RSRC1: variants seen among roughly 807,000 people sequenced by gnomAD.
RSRC1 encodes the protein arginine and serine rich coiled-coil 1, also known as serine/Arginine-related protein 53.
In RSRC1, 39 loss-of-function variants were observed where a neutral mutation model predicts 49.1. That is an observed-to-expected ratio of 0.79 (90% confidence interval 0.61 to 1.04). RSRC1 has a LOEUF of 1.04. Ranked by LOEUF, RSRC1 falls within the 50% of genes least tolerant of loss-of-function variation. The pLI is 0.00. For missense variants in RSRC1, 388 were observed against 402.4 expected (o/e 0.96, Z 0.31); for synonymous variants, 143 against 130.8 (o/e 1.09, Z -0.63).
At chr3:158,358,475 TC>T (rs1285701465) in intron 6 of RSRC1, among the ~76,000 whole-genome samples, 2 of 152,198 alleles carry the variant, frequency 1.3e-5, no homozygotes, top group African/African-American at 4.8e-5. Flanking sequence ...AGTGGAAAGA[TC>T]CTAAGCCTGC....
At chr3:158,351,835 AAAAT>A (rs1245796027) in intron 5 of RSRC1, among the ~76,000 whole-genome samples, 1 of 149,462 alleles carries the variant, frequency 6.7e-6, no homozygotes, top group Non-Finnish European at 1.5e-5. Flanking sequence ...TTATTAGTGA[AAAAT>A]AAATATATCT....
chr3:158,145,592 T>A (rs1717040682), intron 3 of RSRC1, among the ~76,000 whole-genome samples: 4 of 152,212 alleles, frequency 2.6e-5, no homozygotes, highest in Admixed American at 2.6e-4. Flanking sequence ...TTCTTTTGGC[T>A]TAGGATTGAC....
At chr3:158,382,355 T>C (rs1732748853) in intron 6 of RSRC1, among the ~76,000 whole-genome samples, 1 of 152,110 alleles carries the variant, frequency 6.6e-6, no homozygotes. Flanking sequence ...TGATAAAAAG[T>C]ATAGTACTGT....
intron 3 of RSRC1, among the ~76,000 whole-genome samples, chr3:158,154,019 AC>A (rs1717703482): frequency 6.6e-6 from 1 of 152,170 alleles, no homozygotes; most frequent in South Asian, 2.1e-4. Context: ...TGAATCCTTG[AC>A]TGGACAGCTA....
chr3:158,437,232 G>T (rs1200700786), intron 6 of RSRC1, among the ~76,000 whole-genome samples: 1 of 151,680 alleles, frequency 6.6e-6, no homozygotes, highest in Non-Finnish European at 1.5e-5. Context: ...TTTGCTATTT[G>T]CTATTTTGAT....
At chr3:158,520,284 G>A (rs1461962895) in intron 7 of RSRC1, among the ~76,000 whole-genome samples, 3 of 152,104 alleles carry the variant, frequency 2.0e-5, no homozygotes, top group Non-Finnish European at 2.9e-5. Flanking sequence ...GCTTCACAGT[G>A]TCTCTGACTA....
intron 4 of RSRC1, among the ~76,000 whole-genome samples, chr3:158,263,508 G>C (rs1030686215): frequency 2.0e-5 from 3 of 152,048 alleles, no homozygotes; most frequent in Non-Finnish European, 4.4e-5. Flanking sequence ...TCCTTTGTCT[G>C]TGTTTGGTGA....
chr3:158,189,112 C>T (rs1720083424), intron 3 of RSRC1, among the ~76,000 whole-genome samples: 1 of 151,808 alleles, frequency 6.6e-6, no homozygotes, highest in Non-Finnish European at 1.5e-5. Flanking sequence ...AATTTCCAAA[C>T]ATTTAGGGAT....
At chr3:158,178,333 T>C (rs1445749515) in intron 3 of RSRC1, among the ~76,000 whole-genome samples, 1 of 152,032 alleles carries the variant, frequency 6.6e-6, no homozygotes, top group Non-Finnish European at 1.5e-5. Context: ...ACAGATGGGG[T>C]TTCACCATGT....
Position 158,345,805 on chromosome 3 carries a change from TACAC to T in RSRC1, c.532-9048_532-9045del, listed in dbSNP as rs1485332949. Among the ~76,000 whole-genome samples the T allele has an allele frequency of 2.5e-4, 37 of 148,590 alleles. No individual in the cohort carries two copies. The East Asian group carries it at 2.9e-3, about 12-fold the overall frequency. On this transcript the variant is annotated intron_variant, in intron 5 of 9. Transcript: ENST00000611884. ...TATATATATACACATATATATGTAT[TACAC>T]ACATATATATGCATTATATATAATA...
intron 5 of RSRC1, among the ~76,000 whole-genome samples, chr3:158,317,900 T>C (rs1253336519): frequency 6.6e-6 from 1 of 152,094 alleles, no homozygotes; most frequent in African/African-American, 2.4e-5. Context: ...ACACACGAAT[T>C]GGATCCCCCT....
intron 6 of RSRC1, among the ~76,000 whole-genome samples, chr3:158,425,211 G>A (rs1735341629): frequency 6.6e-6 from 1 of 152,004 alleles, no homozygotes; most frequent in Non-Finnish European, 1.5e-5. Context: ...TGTCTTGTGG[G>A]CATTTAGTGC....
intron 4 of RSRC1, among the ~76,000 whole-genome samples, chr3:158,239,022 A>G (rs185971687): frequency 3.3e-3 from 505 of 151,558 alleles, no homozygotes; most frequent in African/African-American, 0.012. Context: ...AATTTACAAG[A>G]AAAAAAAACC....
intron 7 of RSRC1, among the ~76,000 whole-genome samples, chr3:158,488,704 G>A (rs1714527): frequency 0.99 from 150,316 of 152,348 alleles, 74,163 homozygotes; most frequent in East Asian, 1. Context: ...GGCCATTCCC[G>A]TATTAAACTC....
intron 7 of RSRC1, among the ~76,000 whole-genome samples, chr3:158,508,485 G>A (rs1265814287): frequency 6.6e-6 from 1 of 151,314 alleles, no homozygotes; most frequent in Non-Finnish European, 1.5e-5. Context: ...CCTAATGAGT[G>A]TCACCTTGTT....
chr3:158,258,654 C>T (rs1337414353), intron 4 of RSRC1, among the ~76,000 whole-genome samples: 2 of 152,116 alleles, frequency 1.3e-5, no homozygotes, highest in East Asian at 1.9e-4. Flanking sequence ...TCTTTCTCTA[C>T]CTCCTCTTTA....
intron 6 of RSRC1, among the ~76,000 whole-genome samples, chr3:158,382,064 G>A (rs530176920): frequency 4.6e-5 from 7 of 152,018 alleles, no homozygotes; most frequent in Admixed American, 1.3e-4. Flanking sequence ...TTGAACAGCC[G>A]TTAAAAACTT....
intron 7 of RSRC1, among the ~76,000 whole-genome samples, chr3:158,533,445 G>C (rs963872128): frequency 2.6e-5 from 4 of 151,432 alleles, no homozygotes; most frequent in Non-Finnish European, 3.0e-5. Context: ...ATGCTATTTT[G>C]TTAAGCATTG....
At chr3:158,281,539 G>C (rs1726170031) in intron 4 of RSRC1, among the ~76,000 whole-genome samples, 1 of 152,138 alleles carries the variant, frequency 6.6e-6, no homozygotes, top group Non-Finnish European at 1.5e-5. Flanking sequence ...TTGGTGGCTA[G>C]AGAGAAGAGC....
Sources: allele counts gnomAD v4.1 joint callset (sites outside exome capture counted in the v4.1 genomes callset), GRCh38; gene constraint gnomAD v4.1.1; transcripts MANE v1.5; gene names NCBI Gene and HGNC (gene_info 2026-07-23, HGNC 2026-07-21).